CNTN1: variants seen among roughly 807,000 people sequenced by gnomAD.
The protein encoded by CNTN1 is contactin-1.
Under a neutral mutation model 126.4 loss-of-function variants are expected in CNTN1, and 38 were observed. The observed-to-expected ratio is 0.30, with a 90% CI of 0.23 to 0.39. The LOEUF (loss-of-function observed/expected upper bound fraction) is 0.39, where lower values mean the gene tolerates loss of function less well. CNTN1 is among the 10% of genes least tolerant of loss of function. The pLI is 1.00. For synonymous variants in CNTN1, 413 were observed against 422.6 expected, an observed-to-expected ratio of 0.98 and a Z score of 0.28; for missense variants, 1,009 against 1,248.4, an observed-to-expected ratio of 0.81 and a Z score of 2.89.
intron 1 of CNTN1, among the ~76,000 whole-genome samples, chr12:40,860,831 G>A (rs1372235782): frequency 1.3e-5 from 2 of 152,060 alleles, no homozygotes; most frequent in Non-Finnish European, 1.5e-5. Context: ...TTGGCAGAAA[G>A]TTTGAGGTGG....
At chr12:40,725,513 G>C (rs982604377) in intron 1 of CNTN1, among the ~76,000 whole-genome samples, 46 of 150,684 alleles carry the variant, frequency 3.1e-4, no homozygotes, top group Admixed American at 1.1e-3. Flanking sequence ...TCCCAGCCCA[G>C]CCTCTAGCCA....
chr12:41,017,312 C>G (rs1948803449), intron 19 of CNTN1, among the ~76,000 whole-genome samples: 1 of 149,462 alleles, frequency 6.7e-6, no homozygotes, highest in African/African-American at 2.5e-5. Flanking sequence ...TGGCGCATGC[C>G]TGTAATCCCA....
At chr12:40,856,106 G>A (rs886516668) in intron 1 of CNTN1, among the ~76,000 whole-genome samples, 2 of 152,038 alleles carry the variant, frequency 1.3e-5, no homozygotes, top group African/African-American at 4.8e-5. Context: ...AGAGGGAGCT[G>A]GAAAGTAGAG....
At chr12:41,054,743 C>G (rs939424740) in intron 23 of CNTN1, among the ~76,000 whole-genome samples, 1 of 152,044 alleles carries the variant, frequency 6.6e-6, no homozygotes, top group Non-Finnish European at 1.5e-5. Context: ...ATTAGATGTA[C>G]TTGAATGTAC....
chr12:41,002,355 C>A (rs1477472543), intron 17 of CNTN1, among the ~76,000 whole-genome samples: 2 of 151,926 alleles, frequency 1.3e-5, no homozygotes, highest in Non-Finnish European at 2.9e-5. Context: ...TATTCATCTC[C>A]CTAGTTGTCT....
At chr12:40,743,867 T>C (rs531420390) in intron 1 of CNTN1, among the ~76,000 whole-genome samples, 2 of 152,230 alleles carry the variant, frequency 1.3e-5, no homozygotes, top group Admixed American at 6.6e-5. Context: ...TGCCTGTGCC[T>C]ATGTCCTGAA....
intron 23 of CNTN1, among the ~76,000 whole-genome samples, chr12:41,049,613 G>A (rs536765147): frequency 9.9e-5 from 15 of 152,240 alleles, no homozygotes; most frequent in Admixed American, 5.2e-4. Context: ...TGTGCTCTTC[G>A]CTTGGTGCTT....
intron 19 of CNTN1, among the ~76,000 whole-genome samples, chr12:41,017,922 T>C (rs1174346051): frequency 6.6e-6 from 1 of 151,892 alleles, no homozygotes; most frequent in Non-Finnish European, 1.5e-5. Context: ...AGAAACCCTG[T>C]CTCTACTAAA....
In CNTN1 at chr12:40,909,933, T is replaced by A; in HGVS notation, c.62-140T>A. The A allele has an allele frequency of 4.7e-6, 3 of 639,706 alleles. No homozygotes were observed. The South Asian group carries it at 5.5e-5, about 12-fold the overall frequency. The allele number at this position is 639,706 out of a possible 1,614,324, so 39.6% of individuals were successfully genotyped here. The stretch of plus-strand genomic sequence containing the variant: ...GATAAGAAATAAGTATCTGCACAGA[T>A]GTGAAGATACTTCAACCTTTATAGT... On this transcript the variant is annotated intron_variant, in intron 2 of 23. Coordinates refer to ENST00000551295, the MANE Select transcript of CNTN1 (RefSeq NM_001843.4).
chr12:40,755,190 C>CAAA (rs557970110), intron 1 of CNTN1, among the ~76,000 whole-genome samples: 45 of 78,204 alleles, frequency 5.8e-4, no homozygotes, highest in African/African-American at 1.9e-3. Flanking sequence ...GACCCCACCT[C>CAAA]AAAAAAAAAA....
intron 1 of CNTN1, among the ~76,000 whole-genome samples, chr12:40,772,971 C>T (rs985146800): frequency 4.4e-4 from 66 of 151,534 alleles, no homozygotes; most frequent in Non-Finnish European, 1.0e-4. Flanking sequence ...ATCGTGTGTG[C>T]GAATATATAT....
intron 3 of CNTN1, 36 bp from the exon 4 acceptor site, chr12:40,918,603 G>A (rs1198760652): frequency 6.3e-7 from 1 of 1,593,972 alleles, no homozygotes; most frequent in Admixed American, 1.7e-5. Flanking sequence ...GACTTATAAA[G>A]CAGTACAATG....
rs534524048 is a variant in CNTN1, at chr12:40,836,982, C to T, written c.-76-71375C>T. On this transcript the variant is annotated intron_variant, in intron 1 of 23. Coordinates refer to ENST00000551295, the MANE Select transcript of CNTN1 (RefSeq NM_001843.4). ...CCATAATTTTGCTAAATTTTCTTGG[C>T]ACTTTGCAGAAATTTTAAATGTCAA... 3.3e-5 allele frequency among the ~76,000 whole-genome samples: 5 copies of T among 152,284 alleles called. No individual in the cohort carries two copies. In the East Asian group the frequency reaches 9.6e-4, roughly 29 times the overall value.
intron 1 of CNTN1, among the ~76,000 whole-genome samples, chr12:40,713,756 T>A (rs934563113): frequency 1.3e-5 from 2 of 152,056 alleles, no homozygotes; most frequent in Non-Finnish European, 2.9e-5. Flanking sequence ...CCCAATACAA[T>A]AAACAAAAAA....
At chr12:40,813,381 T>G (rs1941156486) in intron 1 of CNTN1, among the ~76,000 whole-genome samples, 1 of 151,966 alleles carries the variant, frequency 6.6e-6, no homozygotes, top group Non-Finnish European at 1.5e-5. Context: ...TATGTGTTGT[T>G]CCCCTCTTTG....
At chr12:40,724,333 G>A (rs1396678057) in intron 1 of CNTN1, among the ~76,000 whole-genome samples, 2 of 152,132 alleles carry the variant, frequency 1.3e-5, no homozygotes, top group Admixed American at 6.5e-5. Context: ...CTACAGGAGT[G>A]TCTTTCAGGC....
At chr12:40,971,858 G>C (rs933402982) in intron 15 of CNTN1, 10 of 1,109,982 alleles carry the variant, frequency 9.0e-6, no homozygotes, top group Non-Finnish European at 1.1e-5. Flanking sequence ...CTGATGAATT[G>C]TATAATACAG....
At chr12:40,731,259 A>G (rs989334241) in intron 1 of CNTN1, among the ~76,000 whole-genome samples, 3 of 152,050 alleles carry the variant, frequency 2.0e-5, no homozygotes. Flanking sequence ...GGATATAACA[A>G]CATATTTTGG....
intron 1 of CNTN1, among the ~76,000 whole-genome samples, chr12:40,852,409 C>T (rs902344824): frequency 6.6e-6 from 1 of 152,110 alleles, no homozygotes; most frequent in East Asian, 1.9e-4. Flanking sequence ...TCTCTGGGAC[C>T]AGTGCTCTTT....
Sources: allele counts gnomAD v4.1 joint callset (sites outside exome capture counted in the v4.1 genomes callset), GRCh38; gene constraint gnomAD v4.1.1; transcripts MANE v1.5; gene names NCBI Gene and HGNC (gene_info 2026-07-23, HGNC 2026-07-21).